The following SHROOM2 variants were observed in gnomAD, a reference collection of about 807,000 sequenced individuals.
The protein encoded by SHROOM2 is shroom family member 2.
SHROOM2 carries 33 observed loss-of-function variants against 75.9 expected under a neutral mutation model. The observed-to-expected ratio is 0.43, with a 90% CI of 0.33 to 0.58. The LOEUF (loss-of-function observed/expected upper bound fraction) is 0.58, where lower values mean the gene tolerates loss of function less well. Ranked by LOEUF, SHROOM2 falls within the 20% of genes least tolerant of loss-of-function variation. The pLI, the probability that SHROOM2 is intolerant of heterozygous loss-of-function variation, is 0.04. For missense variants in SHROOM2, 1,434 were observed against 1,461.2 expected (o/e 0.98, Z 0.30); for synonymous variants, 655 against 663.6 (o/e 0.99, Z 0.20).
At chrX:9,823,435 G>A (rs1407027269) in intron 1 of SHROOM2, among the ~76,000 whole-genome samples, 2 of 110,985 alleles carry the variant, frequency 1.8e-5, no homozygotes, top group Admixed American at 9.7e-5. Context: ...TAGAGACAAG[G>A]TCTTGCTATG....
intron 5 of SHROOM2, among the ~76,000 whole-genome samples, chrX:9,922,586 T>A (rs2084556643): frequency 9.0e-6 from 1 of 110,726 alleles, no homozygotes; most frequent in South Asian, 4.0e-4. Flanking sequence ...CACTGCTGTG[T>A]CTCGGTAGTT....
chrX:9,870,008 A>G (rs750317037), intron 1 of SHROOM2, among the ~76,000 whole-genome samples: 1 of 111,672 alleles, frequency 9.0e-6, no homozygotes, highest in Non-Finnish European at 1.9e-5. Flanking sequence ...GCTTGAGCTC[A>G]GGTGTTAGAG....
At chrX:9,867,694 G>C (rs1012763643) in intron 1 of SHROOM2, among the ~76,000 whole-genome samples, 1 of 111,695 alleles carries the variant, frequency 9.0e-6, no homozygotes, top group African/African-American at 3.3e-5. Context: ...CAAAGCTGCT[G>C]CTGCTTTTCT....
chrX:9,912,863 C>T (rs917377034), intron 5 of SHROOM2: 21 of 112,344 alleles, frequency 1.9e-4, no homozygotes, highest in African/African-American at 5.5e-4. Context: ...GCTCCACAGG[C>T]GTGCACGTAT....
intron 2 of SHROOM2, among the ~76,000 whole-genome samples, chrX:9,874,902 C>G (rs1372228701): frequency 3.8e-5 from 4 of 105,748 alleles, no homozygotes; most frequent in Admixed American, 1.0e-4. Flanking sequence ...TAGTGGGACC[C>G]CATCTCTCTC....
At chrX:9,924,714 GGT>G (rs201161205) in intron 5 of SHROOM2, among the ~76,000 whole-genome samples, 7,225 of 111,211 alleles carry the variant, frequency 0.065, 607 homozygotes, top group African/African-American at 0.23. Context: ...GGAGTGCAGT[GGT>G]GTGATCATGG....
At chrX:9,939,680 G>A (rs1238353835) in intron 8 of SHROOM2, among the ~76,000 whole-genome samples, 1 of 111,994 alleles carries the variant, frequency 8.9e-6, no homozygotes, top group Non-Finnish European at 1.9e-5. Context: ...TTGCTCTGTC[G>A]TGCAGGCTTG....
At chrX:9,819,412 G>T in intron 1 of SHROOM2, 1 of 427,912 alleles carries the variant, frequency 2.3e-6, no homozygotes, top group East Asian at 4.1e-5. Context: ...TTGGCAATCA[G>T]ACAGGGCATC....
At chrX:9,897,908 C>G (rs757921290) in intron 4 of SHROOM2, among the ~76,000 whole-genome samples, 8 of 111,932 alleles carry the variant, frequency 7.1e-5, no homozygotes, top group Non-Finnish European at 1.1e-4. Flanking sequence ...CAGGCTCTGA[C>G]GAGTACTAGA....
At chrX:9,830,056 C>T (rs1477734502) in intron 1 of SHROOM2, among the ~76,000 whole-genome samples, 1 of 111,649 alleles carries the variant, frequency 9.0e-6, no homozygotes, top group Non-Finnish European at 1.9e-5. Context: ...GTCTCCCTCT[C>T]TCACACACAG....
intron 1 of SHROOM2, among the ~76,000 whole-genome samples, chrX:9,812,606 C>T (rs2083797701): frequency 8.9e-6 from 1 of 112,208 alleles, no homozygotes; most frequent in African/African-American, 3.2e-5. Flanking sequence ...CTCTGGCACG[C>T]AAATGTCTCA....
At chrX:9,801,658 A>G (rs779824047) in intron 1 of SHROOM2, among the ~76,000 whole-genome samples, 8 of 112,473 alleles carry the variant, frequency 7.1e-5, no homozygotes, top group Non-Finnish European at 1.1e-4. Context: ...CAAATATATT[A>G]TTAAAATTAA....
chrX:9,822,003 T>C (rs1397433121), intron 1 of SHROOM2, among the ~76,000 whole-genome samples: 1 of 112,627 alleles, frequency 8.9e-6, no homozygotes, highest in Non-Finnish European at 1.9e-5. Flanking sequence ...TATTCTTGAA[T>C]TGTAGAGACC....
chrX:9,823,726 AAAC>A (rs1569142476), intron 1 of SHROOM2, among the ~76,000 whole-genome samples: 1 of 106,567 alleles, frequency 9.4e-6, no homozygotes, highest in African/African-American at 3.4e-5. Flanking sequence ...TTACATGGAG[AAAC>A]AACATTTTTT....
chrX:9,923,326 C>T (rs998146076), intron 5 of SHROOM2, among the ~76,000 whole-genome samples: 9 of 109,260 alleles, frequency 8.2e-5, no homozygotes, highest in Admixed American at 7.8e-4. Context: ...CAGTGGGGGG[C>T]GGGGGGTGCA....
intron 8 of SHROOM2, among the ~76,000 whole-genome samples, chrX:9,941,971 CAAAAAAAA>C (rs56088322): frequency 0.052 from 2,847 of 54,429 alleles, 120 homozygotes; most frequent in African/African-American, 0.14. Flanking sequence ...GACTCCGTCT[CAAAAAAAA>C]AAAAAAAAAA....
chrX:9,832,438 A>T (rs1332457167), intron 1 of SHROOM2, among the ~76,000 whole-genome samples: 1 of 111,953 alleles, frequency 8.9e-6, no homozygotes, highest in East Asian at 2.8e-4. Flanking sequence ...GTCCTGAGGG[A>T]TGCTGTCCCG....
chrX:9,837,864 C>T (rs1208249855), intron 1 of SHROOM2, among the ~76,000 whole-genome samples: 1 of 110,608 alleles, frequency 9.0e-6, no homozygotes, highest in Non-Finnish European at 1.9e-5. Flanking sequence ...AGGCGGGGTG[C>T]CTTCGCTAGG....
chrX:9,869,393 A>G (rs1411441605), intron 1 of SHROOM2, among the ~76,000 whole-genome samples: 2 of 112,446 alleles, frequency 1.8e-5, no homozygotes, highest in Non-Finnish European at 1.9e-5. Flanking sequence ...TTGTTGTCCA[A>G]CCATCACCAC....
Sources: allele counts gnomAD v4.1 joint callset (sites outside exome capture counted in the v4.1 genomes callset), GRCh38; gene constraint gnomAD v4.1.1; transcripts MANE v1.5; gene names NCBI Gene and HGNC (gene_info 2026-07-23, HGNC 2026-07-21).